Variants in ATP13A3 observed in about 807,000 individuals in gnomAD.
The protein encoded by ATP13A3 is ATPase 13A3.
A neutral mutation model predicts 158.1 loss-of-function variants in ATP13A3; 59 were observed. That is an observed-to-expected ratio of 0.37 (90% confidence interval 0.30 to 0.46). ATP13A3 has a LOEUF of 0.46. ATP13A3 is among the 20% of genes least tolerant of loss of function. The pLI is 1.00. For missense variants in ATP13A3, 1,166 were observed against 1,525.2 expected (o/e 0.76, Z 3.92); for synonymous variants, 491 against 504.3 (o/e 0.97, Z 0.35).
At chr3:194,433,664 C>A (rs2108829234) in intron 21 of ATP13A3, 108 bp downstream of exon 21, 1 of 1,365,614 alleles carries the variant, frequency 7.3e-7, no homozygotes, top group Non-Finnish European at 9.9e-7. Context: ...TAGGTTGAAA[C>A]CACTATAGAC....
At chr3:194,419,613 T>C (rs1463414874) in intron 31 of ATP13A3, among the ~76,000 whole-genome samples, 1 of 152,136 alleles carries the variant, frequency 6.6e-6, no homozygotes, top group Non-Finnish European at 1.5e-5. Context: ...GAGTAACAGG[T>C]ACCAGGATCA....
chr3:194,457,663 C>G (rs1258058437), intron 6 of ATP13A3, among the ~76,000 whole-genome samples: 1 of 152,078 alleles, frequency 6.6e-6, no homozygotes, highest in Non-Finnish European at 1.5e-5. Context: ...AAACCCTTCC[C>G]TAAATGCATA....
intron 10 of ATP13A3, chr3:194,452,071 G>C (rs917575615): frequency 3.9e-5 from 6 of 152,338 alleles, no homozygotes; most frequent in Non-Finnish European, 7.3e-5. Flanking sequence ...CCCTTCAATG[G>C]TGGCTATGCA....
At chr3:194,436,047 G>C (rs1376601591) in intron 20 of ATP13A3, among the ~76,000 whole-genome samples, 1 of 152,106 alleles carries the variant, frequency 6.6e-6, no homozygotes, top group Non-Finnish European at 1.5e-5. Context: ...GTCCTTAGTA[G>C]GAATTAGGAT....
chr3:194,453,672 T>G (rs1481777245), intron 10 of ATP13A3, 34 bp downstream of exon 10: 1 of 1,553,450 alleles, frequency 6.4e-7, no homozygotes, highest in Non-Finnish European at 8.9e-7. Context: ...CAGGTATCTT[T>G]TTTGATTTAT....
intron 9 of ATP13A3, among the ~76,000 whole-genome samples, chr3:194,454,032 C>G (rs996090237): frequency 1.3e-5 from 2 of 152,168 alleles, no homozygotes; most frequent in South Asian, 4.1e-4. Flanking sequence ...CCTATGGTCT[C>G]TAGACAGTCA....
chr3:194,431,135 A>G lies in ATP13A3; in HGVS notation c.2513T>C (p.Ile838Thr). 6.2e-7 allele frequency: 1 copy of G among 1,614,032 alleles called. No individual in the cohort carries two copies. The highest frequency in any genetic ancestry group is 8.5e-7 in the Non-Finnish European group (1 of 1,179,898). Reference sequence around the variant, plus strand: ...AACAAGGTCTTGAAAATGCTCCAGTATCACTGAGAATGATTTTCCATTCAT... The same window carrying G: ...AACAAGGTCTTGAAAATGCTCCAGTGTCACTGAGAATGATTTTCCATTCAT... Reference protein sequence around the residue: ...FAMNGKSFSVILEHFQDLVPK... With the variant: ...FAMNGKSFSVTLEHFQDLVPK... Residue 838 changes from isoleucine to threonine, a missense_variant, in exon 23 of 34, where the codon ATA (isoleucine) becomes ACA (threonine). Transcript: ENST00000645319.
chr3:194,451,716 G>A (rs1231186898), intron 10 of ATP13A3: 1 of 152,400 alleles, frequency 6.6e-6, no homozygotes, highest in Non-Finnish European at 1.5e-5. Flanking sequence ...ATGATGCTGT[G>A]CTGCCTCCTT....
At chr3:194,477,237 C>T (rs1010446168) in intron 2 of ATP13A3, among the ~76,000 whole-genome samples, 21 of 152,140 alleles carry the variant, frequency 1.4e-4, no homozygotes, top group Non-Finnish European at 2.6e-4. Flanking sequence ...AGAGGACTGC[C>T]CCCACCTTTC....
intron 16 of ATP13A3, among the ~76,000 whole-genome samples, chr3:194,440,879 T>C (rs1378114156): frequency 6.6e-6 from 1 of 151,984 alleles, no homozygotes; most frequent in Non-Finnish European, 1.5e-5. Context: ...AGAAGGAAGT[T>C]ATAAACAAAC....
chr3:194,491,607 C>T (rs1390744596), upstream of ATP13A3, among the ~76,000 whole-genome samples: 1 of 81,780 alleles, frequency 1.2e-5, no homozygotes, highest in Non-Finnish European at 2.4e-5. Flanking sequence ...TCCCCTCCAT[C>T]TCTCACCTGG....
intron 2 of ATP13A3, among the ~76,000 whole-genome samples, chr3:194,472,335 T>C (rs1027166203): frequency 5.3e-5 from 8 of 152,112 alleles, no homozygotes; most frequent in Non-Finnish European, 1.2e-4. Context: ...TGAACTATGA[T>C]GCAAGTTCCT....
chr3:194,455,980 A>G lies in ATP13A3; in HGVS notation c.561-18T>C, dbSNP rs1719195973. 1 of 1,410,926 alleles carries G rather than the reference A, an allele frequency of 7.1e-7. No homozygotes were observed. Among genetic ancestry groups the G allele is most frequent in the South Asian group, 1.3e-5 (1 of 78,852 alleles). The allele number at this position is 1,410,926 out of a possible 1,614,324, so 87.4% of individuals were successfully genotyped here. A position where few individuals can be genotyped will look rare whatever the true frequency, so the allele number is the denominator to read the frequency against. ...GCAGTTTTCTATAACAGGAAAATAC[A>G]TTCATAGTATTACATTATATCATAA... On this transcript the variant is annotated intron_variant, in intron 7 of 33. Coordinates refer to ENST00000645319, the MANE Select transcript of ATP13A3 (RefSeq NM_001367549.1).
Position 194,448,711 on chromosome 3 carries a change from C to T in ATP13A3, c.971-75G>A, listed in dbSNP as rs1718580528. 7.3e-7 allele frequency: 1 copy of T among 1,364,000 alleles called. No homozygotes were observed. 84.5% of individuals were successfully genotyped at this position (1,364,000 alleles called of 1,614,324 possible). A position where few individuals can be genotyped will look rare whatever the true frequency, so the allele number is the denominator to read the frequency against. On this transcript the variant is annotated intron_variant, in intron 11 of 33. Transcript: ENST00000645319. This position sits in a 1 kb window ranked among gnomAD's most constrained non-coding sequence, Gnocchi z 4.0. ...AAAGCACAGGAATCAGTATCGAACA[C>T]CAAAAAATATTAAATTGTTAAATAT...
chr3:194,435,192 G>A (rs1205624803), intron 20 of ATP13A3, among the ~76,000 whole-genome samples: 1 of 152,174 alleles, frequency 6.6e-6, no homozygotes, highest in Admixed American at 6.5e-5. Context: ...TAATATAAAT[G>A]AAACTGCTGG....
At chr3:194,491,422 C>G (rs1721143711), upstream of ATP13A3, among the ~76,000 whole-genome samples, 1 of 152,138 alleles carries the variant, frequency 6.6e-6, no homozygotes, top group African/African-American at 2.4e-5. Context: ...AACACCAAGT[C>G]CATTTCAAAT....
intron 2 of ATP13A3, among the ~76,000 whole-genome samples, chr3:194,484,804 C>G (rs977426108): frequency 6.6e-6 from 1 of 152,060 alleles, no homozygotes; most frequent in Admixed American, 6.5e-5. Flanking sequence ...GCCTGTAATA[C>G]CAGCACTTTG....
intron 24 of ATP13A3, 160 bp downstream of exon 24, chr3:194,430,783 T>C: frequency 1.9e-6 from 1 of 525,208 alleles, no homozygotes; most frequent in South Asian, 6.0e-5. Context: ...ATGAGACTCT[T>C]TTAAAGCGGC....
At position 194,425,589 on chromosome 3, in the gene ATP13A3, A is replaced by G. The variant is rs1716707314; in HGVS notation, c.3126-60T>C. ...ACATAATACTCATTTCCCAAAAGAAACCAATCTTACCTTAATTGCCCTGAA... is the reference window on the plus strand; with the variant it reads ...ACATAATACTCATTTCCCAAAAGAAGCCAATCTTACCTTAATTGCCCTGAA... On this transcript the variant is annotated intron_variant, in intron 29 of 33. Transcript: ENST00000645319. 12 of 1,359,166 alleles carry G rather than the reference A, an allele frequency of 8.8e-6. No individual in the cohort carries two copies. The South Asian group carries it at 1.5e-4, about 17-fold the overall frequency. The allele number at this position is 1,359,166 out of a possible 1,614,324, so 84.2% of individuals were successfully genotyped here.
Sources: allele counts gnomAD v4.1 joint callset (sites outside exome capture counted in the v4.1 genomes callset), GRCh38; gene constraint gnomAD v4.1.1; non-coding constraint Gnocchi (gnomAD v3.1); transcripts MANE v1.5; gene names NCBI Gene and HGNC (gene_info 2026-07-23, HGNC 2026-07-21).